Variants in SYT1 observed in about 807,000 individuals in gnomAD.
The protein encoded by SYT1 is synaptotagmin 1, also known as synaptotagmin-1.
In SYT1, 8 loss-of-function variants were observed where a neutral mutation model predicts 44.8. The observed-to-expected ratio is 0.18, with a 90% CI of 0.10 to 0.32. The LOEUF (loss-of-function observed/expected upper bound fraction) is 0.32. Among genes scored for constraint, SYT1 ranks in the 10% least tolerant of loss-of-function variants. SYT1 has a pLI of 1.00. For synonymous variants in SYT1, 154 were observed against 188.8 expected (o/e 0.82, Z 1.51); for missense variants, 286 against 509.3 (o/e 0.56, Z 4.22).
chr12:78,900,662 C>T (rs752080140), intron 1 of SYT1, among the ~76,000 whole-genome samples: 4 of 151,938 alleles, frequency 2.6e-5, no homozygotes, highest in Non-Finnish European at 5.9e-5. Flanking sequence ...GGCTAGAGCA[C>T]ATGCAAAGTA....
intron 1 of SYT1, among the ~76,000 whole-genome samples, chr12:78,884,318 T>C (rs1053715895): frequency 1.3e-4 from 20 of 151,632 alleles, no homozygotes; most frequent in Admixed American, 6.6e-5. Context: ...GGAATAGCTA[T>C]ATCTACTGCT....
At chr12:78,898,581 T>C (rs1592536216) in intron 1 of SYT1, among the ~76,000 whole-genome samples, 1 of 152,200 alleles carries the variant, frequency 6.6e-6, no homozygotes, top group African/African-American at 2.4e-5. Context: ...ACAAATGCCA[T>C]TCTATGGCCC....
chr12:79,287,091 C>T (rs1879349497), intron 5 of SYT1, among the ~76,000 whole-genome samples: 1 of 152,088 alleles, frequency 6.6e-6, no homozygotes, highest in Non-Finnish European at 1.5e-5. Flanking sequence ...GACATTAACT[C>T]CCCTTCCCAG....
At chr12:79,149,445 T>C (rs1370701267) in intron 3 of SYT1, among the ~76,000 whole-genome samples, 1 of 152,186 alleles carries the variant, frequency 6.6e-6, no homozygotes, top group Non-Finnish European at 1.5e-5. Context: ...AAATGAATCA[T>C]TTGCATGACA....
intron 2 of SYT1, among the ~76,000 whole-genome samples, chr12:78,996,183 A>G (rs1052471110): frequency 6.6e-6 from 1 of 152,182 alleles, no homozygotes; most frequent in African/African-American, 2.4e-5. Context: ...GCTGAACTTT[A>G]TGCTTCGCTA....
intron 3 of SYT1, among the ~76,000 whole-genome samples, chr12:79,181,769 C>A (rs1125110): frequency 0.72 from 109,868 of 151,846 alleles, 40,482 homozygotes; most frequent in African/African-American, 0.83. Flanking sequence ...TGCCCCTAAT[C>A]CCTTCTCTTT....
chr12:79,256,451 A>G (rs1403224984), intron 4 of SYT1, among the ~76,000 whole-genome samples: 1 of 152,208 alleles, frequency 6.6e-6, no homozygotes, highest in Non-Finnish European at 1.5e-5. Flanking sequence ...TTAGAAGGGC[A>G]TTTAAATTAT....
intron 1 of SYT1, among the ~76,000 whole-genome samples, chr12:78,944,092 T>C (rs1389913376): frequency 6.6e-6 from 1 of 151,972 alleles, no homozygotes; most frequent in African/African-American, 2.4e-5. Flanking sequence ...TTAAAATTAG[T>C]TTATTCTTAT....
At chr12:79,189,513 T>G (rs900038934) in intron 3 of SYT1, among the ~76,000 whole-genome samples, 1 of 152,192 alleles carries the variant, frequency 6.6e-6, no homozygotes, top group African/African-American at 2.4e-5. Context: ...TAAGTGTTTA[T>G]TATATGAGAA....
chr12:79,447,640 C>A (rs1230781228), intron 10 of SYT1, among the ~76,000 whole-genome samples: 1 of 152,180 alleles, frequency 6.6e-6, no homozygotes, highest in Non-Finnish European at 1.5e-5. Flanking sequence ...TTGCTTAGAA[C>A]AAGCTCTAAG....
chr12:79,014,881 A>G (rs902116020), intron 2 of SYT1, among the ~76,000 whole-genome samples: 1 of 152,078 alleles, frequency 6.6e-6, no homozygotes, highest in Admixed American at 6.6e-5. Flanking sequence ...CTATGCAGCC[A>G]TAAAAAATGA....
At chr12:78,985,802 C>T (rs905245233) in intron 2 of SYT1, among the ~76,000 whole-genome samples, 12 of 151,812 alleles carry the variant, frequency 7.9e-5, no homozygotes, top group African/African-American at 2.9e-4. Context: ...CCAAATGTTC[C>T]CTTTATTTAA....
At chr12:79,183,376 G>C (rs548821651) in intron 3 of SYT1, among the ~76,000 whole-genome samples, 11 of 152,010 alleles carry the variant, frequency 7.2e-5, no homozygotes, top group Non-Finnish European at 1.6e-4. Context: ...TTCTCAACCA[G>C]GGATGATACT....
intron 3 of SYT1, among the ~76,000 whole-genome samples, chr12:79,183,466 T>C (rs1872650184): frequency 6.6e-6 from 1 of 152,018 alleles, no homozygotes. Flanking sequence ...TGGCATTTAG[T>C]AATGCTGCTA....
chr12:79,038,704 A>C (rs1247150469), intron 2 of SYT1, among the ~76,000 whole-genome samples: 4 of 151,878 alleles, frequency 2.6e-5, no homozygotes, highest in African/African-American at 9.7e-5. Context: ...CAGTTTTGAA[A>C]TTTAAACCTT....
At chr12:79,198,156 T>G (rs527328485) in intron 3 of SYT1, among the ~76,000 whole-genome samples, 60 of 152,172 alleles carry the variant, frequency 3.9e-4, no homozygotes, top group Non-Finnish European at 6.5e-4. Flanking sequence ...GGAAAACAAA[T>G]TGATATTCTC....
chr12:78,876,676 T>C (rs1403381845), intron 1 of SYT1, among the ~76,000 whole-genome samples: 2 of 125,478 alleles, frequency 1.6e-5, no homozygotes, highest in Non-Finnish European at 3.3e-5. Flanking sequence ...TGTGTACATG[T>C]GTGTATATAT....
chr12:79,418,705 A>T (rs1368799858), intron 9 of SYT1, among the ~76,000 whole-genome samples: 1 of 152,164 alleles, frequency 6.6e-6, no homozygotes, highest in Non-Finnish European at 1.5e-5. Flanking sequence ...GGAAACAAAC[A>T]TCTGTCCAAG....
chr12:78,886,428 G>A (rs1457612826), intron 1 of SYT1, among the ~76,000 whole-genome samples: 3 of 151,994 alleles, frequency 2.0e-5, no homozygotes, highest in African/African-American at 7.2e-5. Flanking sequence ...CATTCACAGG[G>A]ATACCTACTG....
Sources: allele counts gnomAD v4.1 joint callset (sites outside exome capture counted in the v4.1 genomes callset), GRCh38; gene constraint gnomAD v4.1.1; transcripts MANE v1.5; gene names NCBI Gene and HGNC (gene_info 2026-07-23, HGNC 2026-07-21).